The following UNC5C variants were observed in gnomAD, a reference collection of about 807,000 sequenced individuals.
UNC5C encodes unc-5 netrin receptor C.
A neutral mutation model predicts 99.8 loss-of-function variants in UNC5C; 47 were observed. The ratio of observed to expected loss-of-function variants is 0.47; its 90% CI spans 0.37 to 0.60. The LOEUF is 0.60. UNC5C is among the 20% of genes least tolerant of loss of function. The pLI, the probability that UNC5C is intolerant of heterozygous loss-of-function variation, is 0.00. For missense variants in UNC5C, 1,062 were observed against 1,165.9 expected (o/e 0.91, Z 1.30); for synonymous variants, 487 against 452.2 (o/e 1.08, Z -0.98).
At chr4:95,431,532 G>A (rs1746634323) in intron 1 of UNC5C, among the ~76,000 whole-genome samples, 8 of 151,568 alleles carry the variant, frequency 5.3e-5, no homozygotes, top group African/African-American at 1.9e-4. Context: ...ATAAAATAAG[G>A]GGTAAAGACT....
At chr4:95,182,857 C>T (rs574853753) in intron 14 of UNC5C, 40 bp downstream of exon 14, 71 of 1,585,466 alleles carry the variant, frequency 4.5e-5, no homozygotes, top group Non-Finnish European at 5.8e-5. Context: ...TCCTGAGTGT[C>T]GCACTCTCCC....
intron 1 of UNC5C, among the ~76,000 whole-genome samples, chr4:95,528,096 A>G (rs985679762): frequency 6.6e-6 from 1 of 152,188 alleles, no homozygotes; most frequent in Non-Finnish European, 1.5e-5. Context: ...ACATGATCAA[A>G]TTTAAAATTA....
chr4:95,492,850 T>C (rs1462692764), intron 1 of UNC5C, among the ~76,000 whole-genome samples: 3 of 151,532 alleles, frequency 2.0e-5, no homozygotes, highest in African/African-American at 7.3e-5. Context: ...GATGTCATTT[T>C]CACCTAGGTA....
intron 7 of UNC5C, among the ~76,000 whole-genome samples, chr4:95,221,225 C>T (rs1264355862): frequency 6.6e-6 from 1 of 152,132 alleles, no homozygotes; most frequent in Non-Finnish European, 1.5e-5. Flanking sequence ...AAAACATGTT[C>T]AGCAAAATTA....
Position 95,446,702 on chromosome 4 carries a change from C to A in UNC5C, c.124+102032G>T, listed in dbSNP as rs184866744. Among the ~76,000 whole-genome samples, 883 of 152,252 alleles carry A rather than the reference C, an allele frequency of 5.8e-3. 13 individuals are homozygous for A. The highest frequency in any genetic ancestry group is 0.02 in the African/African-American group (820 of 41,542). ...CTACATCTTGATTGTGTTGGCTACA[C>A]AACTATAGTGGTTACACACTGCGTT... On this transcript the variant is annotated intron_variant, in intron 1 of 15. Coordinates refer to ENST00000453304, the MANE Select transcript of UNC5C (RefSeq NM_003728.4).
chr4:95,479,128 G>A lies in UNC5C; in HGVS notation c.124+69606C>T, dbSNP rs895143950. 1.3e-5 allele frequency among the ~76,000 whole-genome samples: 2 copies of A among 151,964 alleles called. 1 individual carries two copies. The highest frequency in any genetic ancestry group is 1.3e-4 in the Admixed American group (2 of 15,214). On this transcript the variant is annotated intron_variant, in intron 1 of 15. Coordinates refer to ENST00000453304, the MANE Select transcript of UNC5C (RefSeq NM_003728.4). ...AGGTACTCCTTTATGGAAAAACAAAGCAGACTAACACAAGCATCTACCTTT... is the reference window on the plus strand; with the variant it reads ...AGGTACTCCTTTATGGAAAAACAAAACAGACTAACACAAGCATCTACCTTT...
intron 12 of UNC5C, among the ~76,000 whole-genome samples, chr4:95,188,468 A>T (rs772927909): frequency 6.6e-6 from 1 of 152,050 alleles, no homozygotes; most frequent in Non-Finnish European, 1.5e-5. Context: ...GGCGAATCTC[A>T]AATAGAGTTT....
chr4:95,486,237 T>G (rs2149479775), intron 1 of UNC5C, among the ~76,000 whole-genome samples: 1 of 151,896 alleles, frequency 6.6e-6, no homozygotes, highest in Non-Finnish European at 1.5e-5. Flanking sequence ...ATTTCTGAAG[T>G]TACTGCATGT....
At chr4:95,305,258 G>A (rs576416358) in intron 2 of UNC5C, among the ~76,000 whole-genome samples, 19 of 152,216 alleles carry the variant, frequency 1.2e-4, no homozygotes, top group South Asian at 4.2e-4. Context: ...GAAGAATTCC[G>A]TAGAATTGAC....
At chr4:95,264,039 A>G (rs953998560) in intron 4 of UNC5C, among the ~76,000 whole-genome samples, 2 of 152,156 alleles carry the variant, frequency 1.3e-5, no homozygotes, top group African/African-American at 4.8e-5. Context: ...ACATTTCCAG[A>G]TGCTAGAACT....
At chr4:95,317,577 G>A (rs985576645) in intron 2 of UNC5C, among the ~76,000 whole-genome samples, 19 of 152,122 alleles carry the variant, frequency 1.2e-4, no homozygotes, top group African/African-American at 4.6e-4. Flanking sequence ...AGAATGAGAC[G>A]GAATGGCTGT....
At chr4:95,451,903 C>T (rs1179040189) in intron 1 of UNC5C, among the ~76,000 whole-genome samples, 3 of 152,082 alleles carry the variant, frequency 2.0e-5, no homozygotes, top group Non-Finnish European at 4.4e-5. Flanking sequence ...CCAAAATTTC[C>T]GTTTCCAAAA....
chr4:95,301,960 G>T (rs930199433), intron 2 of UNC5C, among the ~76,000 whole-genome samples: 1 of 151,958 alleles, frequency 6.6e-6, no homozygotes, highest in Non-Finnish European at 1.5e-5. Context: ...CACATCTTCT[G>T]GATTATTCTG....
intron 3 of UNC5C, among the ~76,000 whole-genome samples, chr4:95,294,673 G>T (rs1741609550): frequency 6.6e-6 from 1 of 152,178 alleles, no homozygotes; most frequent in South Asian, 2.1e-4. Context: ...CTCTAGGATT[G>T]ACAGTCTAGC....
intron 4 of UNC5C, among the ~76,000 whole-genome samples, chr4:95,259,399 A>G (rs1740136231): frequency 6.6e-6 from 1 of 152,224 alleles, no homozygotes; most frequent in South Asian, 2.1e-4. Flanking sequence ...TAAAAGAGAA[A>G]TGGTGTTAAT....
intron 12 of UNC5C, among the ~76,000 whole-genome samples, chr4:95,189,787 T>C (rs955609448): frequency 2.0e-5 from 3 of 152,092 alleles, no homozygotes; most frequent in Non-Finnish European, 1.5e-5. Context: ...AAAACCACAA[T>C]GAGATATCAT....
chr4:95,340,011 T>A (rs1743502944), intron 1 of UNC5C, among the ~76,000 whole-genome samples: 1 of 152,140 alleles, frequency 6.6e-6, no homozygotes, highest in Admixed American at 6.6e-5. Flanking sequence ...TTGATATCAA[T>A]AAATCTCAGT....
At chr4:95,308,909 T>A (rs1394641293) in intron 2 of UNC5C, among the ~76,000 whole-genome samples, 2 of 151,834 alleles carry the variant, frequency 1.3e-5, no homozygotes, top group Non-Finnish European at 2.9e-5. Context: ...CCAATGACAA[T>A]TTTCACAGGA....
intron 3 of UNC5C, among the ~76,000 whole-genome samples, chr4:95,280,922 T>C (rs1741033826): frequency 6.6e-6 from 1 of 152,170 alleles, no homozygotes; most frequent in Non-Finnish European, 1.5e-5. Flanking sequence ...TTTGTACTCT[T>C]CCAATGGAAA....
Sources: allele counts gnomAD v4.1 joint callset (sites outside exome capture counted in the v4.1 genomes callset), GRCh38; gene constraint gnomAD v4.1.1; transcripts MANE v1.5; gene names NCBI Gene and HGNC (gene_info 2026-07-23, HGNC 2026-07-21).